Variants in NEBL observed in about 807,000 individuals in gnomAD.
The protein encoded by NEBL is nebulette, also known as LIM and SH3 protein 2.
Under a neutral mutation model 140.2 loss-of-function variants are expected in NEBL, and 122 were observed. The ratio of observed to expected loss-of-function variants is 0.87; its 90% CI spans 0.75 to 1.01. The LOEUF (loss-of-function observed/expected upper bound fraction) is 1.01, where lower values mean the gene tolerates loss of function less well. Ranked by LOEUF, NEBL falls within the 50% of genes least tolerant of loss-of-function variation. The pLI, the probability that NEBL is intolerant of heterozygous loss-of-function variation, is 0.00. For missense variants in NEBL, 1,365 were observed against 1,231.3 expected (o/e 1.11, Z -1.62); for synonymous variants, 436 against 398.9 (o/e 1.09, Z -1.11).
At chr10:20,853,959 C>T (rs895392933) in intron 9 of NEBL, among the ~76,000 whole-genome samples, 6 of 152,104 alleles carry the variant, frequency 3.9e-5, no homozygotes, top group African/African-American at 1.4e-4. Context: ...CTAATTTGAT[C>T]AATACACACT....
intron 2 of NEBL, among the ~76,000 whole-genome samples, chr10:21,124,109 G>C (rs576257333): frequency 2.0e-5 from 3 of 152,028 alleles, no homozygotes; most frequent in Non-Finnish European, 4.4e-5. Flanking sequence ...ATTGAGAAAT[G>C]CTTTTAAATC....
Position 21,248,414 on chromosome 10 carries a change from T to C in NEBL, n.280-425A>G, listed in dbSNP as rs139846759. 2.5e-3 allele frequency among the ~76,000 whole-genome samples: 383 copies of C among 152,254 alleles called. 3 individuals carry two copies. The highest frequency in any genetic ancestry group is 8.2e-3 in the African/African-American group (339 of 41,550). On this transcript the variant is annotated intron_variant and non_coding_transcript_variant, in intron 2 of 8. Transcript: ENST00000675702. ...GTATTTAAAAAAATAAGTGGAATCA[T>C]GCAAAATTTGTCCCTTTGTGTCTGG...
rs75349059 is a variant in NEBL, at chr10:20,918,969, G to A, written c.357+42703C>T. Reference sequence around the variant, plus strand: ...ATTATGCATAGGAAAATTCTGGAAGGAATTGACCCAAGTAACACAATTCTG... The same window carrying A: ...ATTATGCATAGGAAAATTCTGGAAGAAATTGACCCAAGTAACACAATTCTG... On this transcript the variant is annotated intron_variant, in intron 4 of 6. Coordinates refer to the NEBL transcript ENST00000417816. 3.1e-3 allele frequency among the ~76,000 whole-genome samples: 466 copies of A among 152,158 alleles called. 4 individuals carry two copies. Among genetic ancestry groups the A allele is most frequent in the African/African-American group, 0.011 (444 of 41,530 alleles).
At chr10:21,282,881 T>C (rs1843009869) in intron 1 of NEBL, among the ~76,000 whole-genome samples, 1 of 152,092 alleles carries the variant, frequency 6.6e-6, no homozygotes, top group African/African-American at 2.4e-5. Flanking sequence ...TCCCAGCACT[T>C]TGGGAGGCCG....
At chr10:20,902,846 C>G (rs981787967) in intron 4 of NEBL, among the ~76,000 whole-genome samples, 11 of 151,946 alleles carry the variant, frequency 7.2e-5, no homozygotes, top group African/African-American at 2.7e-4. Context: ...AGCTTGACTC[C>G]CACAGAGTGT....
chr10:20,961,532 G>T lies in NEBL; in HGVS notation c.357+140C>A, dbSNP rs1274309542. 2.0e-5 allele frequency: 15 copies of T among 742,518 alleles called. No individual in the cohort carries two copies. In the Admixed American group the frequency reaches 2.5e-4, roughly 13 times the overall value. The allele number at this position is 742,518 out of a possible 1,614,324, so 46.0% of individuals were successfully genotyped here. Reference sequence around the variant, plus strand: ...AACCAGAGGGCAGGGTTTACCAGATGAAATTGGCATAGTCTATGCGTGCAC... The same window carrying T: ...AACCAGAGGGCAGGGTTTACCAGATTAAATTGGCATAGTCTATGCGTGCAC... On this transcript the variant is annotated intron_variant, in intron 4 of 6. Transcript: ENST00000417816.
At chr10:21,156,928 A>C (rs1039425793) in intron 2 of NEBL, among the ~76,000 whole-genome samples, 1 of 152,188 alleles carries the variant, frequency 6.6e-6, no homozygotes, top group Non-Finnish European at 1.5e-5. Flanking sequence ...TTCTATAAAA[A>C]TTTAAACCAT....
intron 7 of NEBL, among the ~76,000 whole-genome samples, chr10:20,864,444 T>C (rs1844057264): frequency 6.6e-6 from 1 of 152,198 alleles, no homozygotes. Context: ...GGGTTTGGTA[T>C]GTGTTCCCAC....
intron 3 of NEBL, among the ~76,000 whole-genome samples, chr10:21,239,935 G>C (rs1199559852): frequency 6.6e-6 from 1 of 151,624 alleles, no homozygotes; most frequent in Non-Finnish European, 1.5e-5. Context: ...AGAATGGCAT[G>C]AACCCGGGAG....
At chr10:20,855,260 A>G (rs960873658) in intron 9 of NEBL, among the ~76,000 whole-genome samples, 3 of 151,516 alleles carry the variant, frequency 2.0e-5, no homozygotes, top group Admixed American at 2.0e-4. Context: ...TTTTTTAACC[A>G]GTTAAAATCT....
At chr10:20,941,159 C>G (rs1467638879) in intron 4 of NEBL, among the ~76,000 whole-genome samples, 1 of 152,138 alleles carries the variant, frequency 6.6e-6, no homozygotes. Flanking sequence ...ACCAATATCC[C>G]TGATGAACAT....
At chr10:20,889,149 T>A (rs544578483) in intron 3 of NEBL, among the ~76,000 whole-genome samples, 1 of 152,352 alleles carries the variant, frequency 6.6e-6, no homozygotes, top group Admixed American at 6.5e-5. Context: ...ACAACACTAT[T>A]TCATTTCCGT....
chr10:20,938,669 G>A (rs1437513045), intron 4 of NEBL, among the ~76,000 whole-genome samples: 1 of 152,084 alleles, frequency 6.6e-6, no homozygotes, highest in Non-Finnish European at 1.5e-5. Flanking sequence ...CGAACCCATG[G>A]CAAAGAAGTT....
intron 3 of NEBL, among the ~76,000 whole-genome samples, chr10:20,962,836 G>T (rs1019701739): frequency 6.6e-6 from 1 of 152,072 alleles, no homozygotes; most frequent in Non-Finnish European, 1.5e-5. Context: ...CAATATGATT[G>T]TTAGTGTAGT....
intron 4 of NEBL, among the ~76,000 whole-genome samples, chr10:20,957,386 A>T (rs187875288): frequency 9.8e-5 from 15 of 152,330 alleles, no homozygotes; most frequent in African/African-American, 3.6e-4. Flanking sequence ...ATACTTTTTT[A>T]AAAGTGTCAC....
At position 21,252,255 on chromosome 10, in the gene NEBL, G is replaced by T. The variant is rs572255684; in HGVS notation, n.183-427C>A. The stretch of plus-strand genomic sequence containing the variant: ...TTTTGGATATCTAACACTTACCATT[G>T]ATTCTTTCTTTTTGCAATTGTGTGT... On this transcript the variant is annotated intron_variant and non_coding_transcript_variant, in intron 1 of 8. Transcript: ENST00000675702. Among the ~76,000 whole-genome samples, 22 of 152,252 alleles carry T rather than the reference G, an allele frequency of 1.4e-4. 2 individuals are homozygous for T. The highest frequency in any genetic ancestry group is 5.1e-4 in the African/African-American group (21 of 41,548).
At chr10:20,858,479 A>C in intron 8 of NEBL, 135 bp from the exon 9 acceptor site, 1 of 752,092 alleles carries the variant, frequency 1.3e-6, no homozygotes, top group Middle Eastern at 3.6e-4. Flanking sequence ...AGGAGCCACT[A>C]GATGGTGCTG....
chr10:21,227,042 C>A (rs994639490), intron 3 of NEBL, among the ~76,000 whole-genome samples: 2 of 152,102 alleles, frequency 1.3e-5, no homozygotes, highest in East Asian at 3.8e-4. Flanking sequence ...CAATTCAATT[C>A]TTAATATATT....
intron 26 of NEBL, among the ~76,000 whole-genome samples, chr10:20,792,364 ATAACT>A (rs1022488776): frequency 3.9e-5 from 6 of 152,336 alleles, no homozygotes; most frequent in Middle Eastern, 3.4e-3. Flanking sequence ...TGTATGTCAA[ATAACT>A]TAATGAGGTT....
Sources: gnomAD v4.1 joint callset for allele counts (sites outside exome capture counted in the v4.1 genomes callset) on GRCh38, gnomAD v4.1.1 for gene constraint, MANE v1.5 for transcripts, NCBI Gene and HGNC (gene_info 2026-07-23, HGNC 2026-07-21) for gene names.